The following COX7B2 variants were observed in gnomAD, a reference collection of about 807,000 sequenced individuals.
COX7B2 encodes the protein cytochrome c oxidase subunit 7B2, mitochondrial.
For missense variants in COX7B2, 109 were observed against 95.9 expected (o/e 1.14, Z -0.57); for synonymous variants, 37 against 32.1 (o/e 1.15, Z -0.51).
intron 2 of COX7B2, among the ~76,000 whole-genome samples, chr4:46,769,456 G>A (rs1176587244): frequency 6.6e-6 from 1 of 152,162 alleles, no homozygotes; most frequent in Non-Finnish European, 1.5e-5. Flanking sequence ...TTTTGGCCGG[G>A]CACGGTGGCT....
chr4:46,807,259 AT>A (rs770559658), intron 2 of COX7B2, among the ~76,000 whole-genome samples: 16 of 151,594 alleles, frequency 1.1e-4, no homozygotes, highest in Non-Finnish European at 2.1e-4. Context: ...CATTTTCCTA[AT>A]GGTTAATTAT....
intron 2 of COX7B2, among the ~76,000 whole-genome samples, chr4:46,752,432 C>G (rs1026093833): frequency 6.6e-6 from 1 of 152,072 alleles, no homozygotes; most frequent in African/African-American, 2.4e-5. Flanking sequence ...CCTGATTACC[C>G]TGGCCAGAAC....
chr4:46,893,333 T>C (rs990672815), intron 1 of COX7B2, among the ~76,000 whole-genome samples: 1 of 152,148 alleles, frequency 6.6e-6, no homozygotes, highest in Non-Finnish European at 1.5e-5. Context: ...TACCAGCCAG[T>C]TGAAATTCCC....
chr4:46,764,394 A>T (rs1716399925), intron 2 of COX7B2, among the ~76,000 whole-genome samples: 1 of 151,792 alleles, frequency 6.6e-6, no homozygotes, highest in South Asian at 2.1e-4. Context: ...AAAATACAAA[A>T]ATTAGCTGGG....
chr4:46,803,512 T>C (rs531887707), intron 2 of COX7B2, among the ~76,000 whole-genome samples: 8 of 152,316 alleles, frequency 5.3e-5, no homozygotes, highest in Admixed American at 1.3e-4. Context: ...TTAAAGACTA[T>C]GAAAATATCT....
chr4:46,848,683 T>C (rs1171799821), intron 1 of COX7B2, among the ~76,000 whole-genome samples: 1 of 152,092 alleles, frequency 6.6e-6, no homozygotes, highest in East Asian at 1.9e-4. Context: ...TAAAGTTCTG[T>C]AAGACACATC....
intron 1 of COX7B2, among the ~76,000 whole-genome samples, chr4:46,887,280 A>G (rs957643716): frequency 2.5e-4 from 38 of 152,196 alleles, no homozygotes; most frequent in Admixed American, 5.9e-4. Flanking sequence ...GCAGAACTTT[A>G]TTTTGTCCTA....
chr4:46,865,021 T>C (rs770116813), intron 1 of COX7B2, among the ~76,000 whole-genome samples: 81 of 152,292 alleles, frequency 5.3e-4, no homozygotes, highest in Admixed American at 2.0e-3. Flanking sequence ...ATGAATTAAA[T>C]AGCAGTGAAT....
chr4:46,759,177 C>A (rs376196587), intron 2 of COX7B2, among the ~76,000 whole-genome samples: 2 of 151,604 alleles, frequency 1.3e-5, no homozygotes, highest in Non-Finnish European at 2.9e-5. Flanking sequence ...TTAAAATCTA[C>A]GGAAAATGAG....
At chr4:46,841,260 A>G (rs1715905866) in intron 2 of COX7B2, among the ~76,000 whole-genome samples, 1 of 151,834 alleles carries the variant, frequency 6.6e-6, no homozygotes. Context: ...TCAAAGTATC[A>G]GGGCCTAAAC....
rs539041383 is a variant in COX7B2, at chr4:46,863,839, TATTTGACCTTTGTTTTTTAATTCTTAG to T, written c.-104-18852_-104-18826del. The stretch of plus-strand genomic sequence containing the variant: ...ACTCTTTGCTGTTCTTGAAACTTTA[TATTTGACCTTTGTTTTTTAATTCTTAG>T]ATTGCTTAAAAAAAGTTTTAAGGGC... On this transcript the variant is annotated intron_variant, in intron 1 of 2. Transcript: ENST00000355591. Among the ~76,000 whole-genome samples, 117 of 152,350 alleles carry T rather than the reference TATTTGACCTTTGTTTTTTAATTCTTAG, an allele frequency of 7.7e-4. 1 individual carries two copies. In the South Asian group the frequency reaches 0.023, roughly 30 times the overall value.
chr4:46,846,945 T>A (rs536190642), intron 1 of COX7B2, among the ~76,000 whole-genome samples: 1 of 151,938 alleles, frequency 6.6e-6, no homozygotes, highest in Admixed American at 6.6e-5. Context: ...AAATAATTAT[T>A]CTGGGTTTAG....
chr4:46,885,509 G>T (rs1303386333), intron 1 of COX7B2, among the ~76,000 whole-genome samples: 1 of 152,092 alleles, frequency 6.6e-6, no homozygotes, highest in Non-Finnish European at 1.5e-5. Flanking sequence ...TTTTGTTTAT[G>T]AAATGAATAA....
intron 1 of COX7B2, among the ~76,000 whole-genome samples, chr4:46,849,453 G>A (rs1332876545): frequency 6.6e-6 from 1 of 152,028 alleles, no homozygotes; most frequent in Non-Finnish European, 1.5e-5. Flanking sequence ...CTCCACAGCA[G>A]AGGCTCCTGT....
intron 1 of COX7B2, among the ~76,000 whole-genome samples, chr4:46,895,725 T>C (rs1719721641): frequency 6.6e-6 from 1 of 152,180 alleles, no homozygotes; most frequent in South Asian, 2.1e-4. Flanking sequence ...TAATTACACA[T>C]AATCACTTTC....
intron 1 of COX7B2, among the ~76,000 whole-genome samples, chr4:46,848,189 T>C (rs1007445848): frequency 2.0e-5 from 3 of 152,116 alleles, no homozygotes; most frequent in Admixed American, 6.6e-5. Context: ...GTTCACTGTT[T>C]ATGAGGCTTT....
At chr4:46,863,602 G>C (rs1481165378) in intron 1 of COX7B2, among the ~76,000 whole-genome samples, 1 of 152,058 alleles carries the variant, frequency 6.6e-6, no homozygotes, top group Non-Finnish European at 1.5e-5. Context: ...AAACTTCTCA[G>C]ATTCATATCT....
chr4:46,759,232 C>T (rs903436545), intron 2 of COX7B2, among the ~76,000 whole-genome samples: 1 of 151,922 alleles, frequency 6.6e-6, no homozygotes, highest in African/African-American at 2.4e-5. Flanking sequence ...AACGAGGCAC[C>T]AGAAGCAAAA....
At chr4:46,789,247 G>C (rs890366403) in intron 2 of COX7B2, among the ~76,000 whole-genome samples, 3 of 152,110 alleles carry the variant, frequency 2.0e-5, no homozygotes, top group Admixed American at 2.0e-4. Context: ...CTATTTAATT[G>C]TCTACCTGAA....
Sources: gnomAD v4.1 joint callset for allele counts (sites outside exome capture counted in the v4.1 genomes callset) on GRCh38, gnomAD v4.1.1 for gene constraint, MANE v1.5 for transcripts, NCBI Gene and HGNC (gene_info 2026-07-23, HGNC 2026-07-21) for gene names.